The following SUMF1 variants were observed in gnomAD, a reference collection of about 807,000 sequenced individuals.
SUMF1 encodes the protein formylglycine-generating enzyme.
SUMF1 carries 48 observed loss-of-function variants against 47.6 expected under a neutral mutation model. The observed-to-expected ratio is 1.01, with a 90% CI of 0.80 to 1.28. The LOEUF (loss-of-function observed/expected upper bound fraction) is 1.28, where lower values mean the gene tolerates loss of function less well. SUMF1 is among the 50% of genes most tolerant of loss of function. The pLI is 0.00. For missense variants in SUMF1, 571 were observed against 485.4 expected, an observed-to-expected ratio of 1.18 and a Z score of -1.66; for synonymous variants, 230 against 192.1, an observed-to-expected ratio of 1.20 and a Z score of -1.63.
chr3:4,221,900 T>A (rs755127741), intron 8 of SUMF1, among the ~76,000 whole-genome samples: 60 of 152,192 alleles, frequency 3.9e-4, no homozygotes, highest in Non-Finnish European at 7.9e-4. Context: ...GGGGGTAGAA[T>A]TGTGATTTTT....
chr3:4,203,470 G>A lies in SUMF1; in HGVS notation c.1015-134725C>T, dbSNP rs150557426. On this transcript the variant is annotated intron_variant and NMD_transcript_variant, in intron 8 of 12. Transcript: ENST00000448413. ...CCATCCCTTTATTTTCAGCCTTTGT[G>A]TGTCTTCATGTAAGTGAAGTGTTTT... 3.0e-3 allele frequency among the ~76,000 whole-genome samples: 459 copies of A among 151,934 alleles called. 3 individuals are homozygous for A. Among genetic ancestry groups the A allele is most frequent in the African/African-American group, 0.01 (427 of 41,498 alleles).
intron 8 of SUMF1, among the ~76,000 whole-genome samples, chr3:4,282,338 A>AGAATTTT (rs779463000): frequency 6.6e-6 from 1 of 152,218 alleles, no homozygotes; most frequent in African/African-American, 2.4e-5. Context: ...TACAGTACTA[A>AGAATTTT]GAATTTTGAA....
intron 3 of SUMF1, among the ~76,000 whole-genome samples, chr3:4,440,321 C>G (rs1702542608): frequency 6.7e-6 from 1 of 150,134 alleles, no homozygotes; most frequent in Non-Finnish European, 1.5e-5. Context: ...ATTTACTTTT[C>G]CTATGTACTG....
At chr3:4,134,268 C>A (rs1472223603) in intron 8 of SUMF1, among the ~76,000 whole-genome samples, 1 of 152,136 alleles carries the variant, frequency 6.6e-6, no homozygotes, top group Non-Finnish European at 1.5e-5. Context: ...AACAAACTCT[C>A]TCTCAGACCA....
At chr3:4,124,293 A>G (rs763515417) in intron 8 of SUMF1, among the ~76,000 whole-genome samples, 10 of 152,172 alleles carry the variant, frequency 6.6e-5, no homozygotes, top group African/African-American at 9.7e-5. Flanking sequence ...ATTCAATTCA[A>G]TGGTAGGAGG....
chr3:4,169,988 C>A (rs1694797539), intron 8 of SUMF1, among the ~76,000 whole-genome samples: 1 of 152,078 alleles, frequency 6.6e-6, no homozygotes, highest in Non-Finnish European at 1.5e-5. Context: ...AAGAATGAGA[C>A]AAATGCCAAG....
intron 8 of SUMF1, among the ~76,000 whole-genome samples, chr3:4,079,884 A>G (rs944908500): frequency 3.3e-5 from 5 of 151,410 alleles, no homozygotes; most frequent in Admixed American, 3.3e-4. Context: ...TCCCAAAATC[A>G]CATATATTGT....
At chr3:4,412,741 G>T (rs950051944) in intron 6 of SUMF1, among the ~76,000 whole-genome samples, 3 of 152,000 alleles carry the variant, frequency 2.0e-5, no homozygotes, top group African/African-American at 7.2e-5. Flanking sequence ...AAAAAAATTA[G>T]CCAGGCAGGT....
chr3:4,079,225 A>G (rs17039786), intron 8 of SUMF1, among the ~76,000 whole-genome samples: 3,171 of 152,176 alleles, frequency 0.021, 137 homozygotes, highest in African/African-American at 0.071. Context: ...TTCTGTAAAT[A>G]TTATTAGCTA....
intron 8 of SUMF1, among the ~76,000 whole-genome samples, chr3:4,300,242 T>C (rs975978686): frequency 6.6e-6 from 1 of 152,200 alleles, no homozygotes; most frequent in Non-Finnish European, 1.5e-5. Context: ...GCTTTGACCA[T>C]GTGAGATGCC....
chr3:4,429,874 C>T (rs1426019702), intron 3 of SUMF1, among the ~76,000 whole-genome samples: 1 of 152,186 alleles, frequency 6.6e-6, no homozygotes, highest in Non-Finnish European at 1.5e-5. Context: ...GGCAGCAGAA[C>T]ACTGCACCAG....
At chr3:4,305,525 A>T (rs947696722) in intron 8 of SUMF1, among the ~76,000 whole-genome samples, 1 of 152,220 alleles carries the variant, frequency 6.6e-6, no homozygotes, top group African/African-American at 2.4e-5. Flanking sequence ...AAAGAAAGAA[A>T]AAGAGGGGGA....
At position 4,139,110 on chromosome 3, in the gene SUMF1, A is replaced by C. The variant is rs894396537; in HGVS notation, c.1015-70365T>G. ...ACAAAACTATTAATAATACAGATTA[A>C]ACATAAAATTTTATTGTATTGATAG... On this transcript the variant is annotated intron_variant and NMD_transcript_variant, in intron 8 of 12. Transcript: ENST00000448413. 1.2e-4 allele frequency among the ~76,000 whole-genome samples: 19 copies of C among 152,150 alleles called. 1 individual carries two copies. Among genetic ancestry groups the C allele is most frequent in the African/African-American group, 4.6e-4 (19 of 41,442 alleles).
chr3:4,422,012 A>C (rs1024059444), intron 3 of SUMF1, among the ~76,000 whole-genome samples: 18 of 152,198 alleles, frequency 1.2e-4, no homozygotes, highest in African/African-American at 3.6e-4. Context: ...ATGATATCTC[A>C]ATCACAATTT....
chr3:4,053,317 A>G (rs1426821779), intron 9 of SUMF1, among the ~76,000 whole-genome samples: 3 of 152,140 alleles, frequency 2.0e-5, no homozygotes, highest in Non-Finnish European at 4.4e-5. Flanking sequence ...AACAATTACA[A>G]TAGTAACATC....
chr3:4,310,514 T>C (rs1698362757), intron 8 of SUMF1, among the ~76,000 whole-genome samples: 1 of 152,190 alleles, frequency 6.6e-6, no homozygotes, highest in Non-Finnish European at 1.5e-5. Flanking sequence ...GGAAAAAATT[T>C]ATTTAAACAG....
At chr3:4,442,257 CTTTT>C (rs35480700) in intron 3 of SUMF1, among the ~76,000 whole-genome samples, 2 of 140,588 alleles carry the variant, frequency 1.4e-5, no homozygotes, top group Admixed American at 7.1e-5. Context: ...ACCATGAACT[CTTTT>C]TTTTTTTTTT....
intron 8 of SUMF1, among the ~76,000 whole-genome samples, chr3:4,116,021 A>C (rs1247479028): frequency 1.3e-5 from 2 of 152,086 alleles, no homozygotes; most frequent in Non-Finnish European, 2.9e-5. Context: ...ATGACCCCGT[A>C]ATTTGCAGAG....
intron 8 of SUMF1, among the ~76,000 whole-genome samples, chr3:4,262,292 C>T (rs1697103308): frequency 6.6e-6 from 1 of 152,258 alleles, no homozygotes; most frequent in Admixed American, 6.5e-5. Flanking sequence ...CAATCCTAGC[C>T]ACACTGCAAG....
Sources: allele counts gnomAD v4.1 joint callset (sites outside exome capture counted in the v4.1 genomes callset), GRCh38; gene constraint gnomAD v4.1.1; transcripts MANE v1.5; gene names NCBI Gene and HGNC (gene_info 2026-07-23, HGNC 2026-07-21).